RFPL1: variants seen among roughly 807,000 people sequenced by gnomAD.
The protein encoded by RFPL1 is ret finger protein like 1.
RFPL1 carries 6 observed loss-of-function variants against 9.6 expected under a neutral mutation model. The observed-to-expected ratio is 0.62, with a 90% confidence interval of 0.34 to 1.23. The LOEUF (loss-of-function observed/expected upper bound fraction) is 1.23, where lower values mean the gene tolerates loss of function less well. Among genes scored for constraint, RFPL1 ranks in the 50% most tolerant of loss-of-function variants. The pLI, the probability that RFPL1 is intolerant of heterozygous loss-of-function variation, is 0.03. For synonymous variants in RFPL1, 145 were observed against 149.4 expected (o/e 0.97, Z 0.22); for missense variants, 352 against 398.4 (o/e 0.88, Z 0.99).
At chr22:29,399,260 C>CA in the RFPL1 span, among the ~76,000 whole-genome samples, 1,261 of 146,798 alleles carry the variant, frequency 8.6e-3, 13 homozygotes, top group Non-Finnish European at 0.011. Context: ...GAATTCCCCT[C>CA]AAAAAAAAAA....
chr22:29,429,117 A>G, the RFPL1 span, among the ~76,000 whole-genome samples: 2 of 152,140 alleles, frequency 1.3e-5, no homozygotes, highest in Non-Finnish European at 2.9e-5. Context: ...GTGCAGTGGC[A>G]TGATCATGGC....
At chr22:29,427,970 G>A in the RFPL1 span, among the ~76,000 whole-genome samples, 21 of 152,284 alleles carry the variant, frequency 1.4e-4, no homozygotes, top group East Asian at 3.9e-3. Flanking sequence ...GCCCTAGAGG[G>A]TCTGGGGGAT....
At chr22:29,428,932 A>G in the RFPL1 span, among the ~76,000 whole-genome samples, 1 of 152,258 alleles carries the variant, frequency 6.6e-6, no homozygotes, top group Non-Finnish European at 1.5e-5. Context: ...ACCTCATAGA[A>G]CTTGAAAAGC....
At chr22:29,395,052 A>G in the RFPL1 span, among the ~76,000 whole-genome samples, 43 of 152,202 alleles carry the variant, frequency 2.8e-4, no homozygotes, top group East Asian at 7.0e-3. Flanking sequence ...GATACTCAGA[A>G]TCTCAGAGCA....
At chr22:29,434,104 A>T (rs1400575373), upstream of RFPL1, among the ~76,000 whole-genome samples, 1 of 152,022 alleles carries the variant, frequency 6.6e-6, no homozygotes, top group Non-Finnish European at 1.5e-5. Context: ...CTCCCACCTC[A>T]ATCTCCCAAA....
the RFPL1 span, among the ~76,000 whole-genome samples, chr22:29,432,020 T>A: frequency 1.3e-5 from 2 of 152,190 alleles, no homozygotes; most frequent in Non-Finnish European, 2.9e-5. Flanking sequence ...ACTTACATTC[T>A]CTTTTTCTCA....
chr22:29,437,929 T>C, upstream of RFPL1: 1 of 511,110 alleles, frequency 2.0e-6, no homozygotes, highest in Non-Finnish European at 3.4e-6. Context: ...TTGGTATTCA[T>C]TTCCAAGGCT....
chr22:29,431,837 T>G, the RFPL1 span, among the ~76,000 whole-genome samples: 1 of 151,960 alleles, frequency 6.6e-6, no homozygotes, highest in Non-Finnish European at 1.5e-5. Context: ...ATTACAGATG[T>G]GCGCCACCAA....
rs748957165 is a variant in RFPL1 at position 29,438,829 on chromosome 22, C to T, written c.38C>T (p.Ser13Leu). The T allele has an allele frequency of 3.1e-6, 5 of 1,613,976 alleles. No individual in the cohort carries two copies. In the South Asian group the frequency reaches 5.5e-5, roughly 18 times the overall value. ...TCACTTGTCACAACTAACAGGCTTT[C>T]ACCTCACGGAAATTTTCTTCCCTTG... The change falls in exon 1 of 2, where the codon TCA becomes TTA. Residue 13 changes from serine (S) to leucine (L), a missense_variant. Coordinates refer to ENST00000354373, the Ensembl canonical transcript of RFPL1.
chr22:29,439,344 A>C, intron 1 of RFPL1, 180 bp downstream of exon 1: 2 of 1,014,138 alleles, frequency 2.0e-6, no homozygotes, highest in Middle Eastern at 2.7e-4. Flanking sequence ...ATCTCCAAAA[A>C]AAAGGCTGGC....
At chr22:29,421,459 T>C in the RFPL1 span, among the ~76,000 whole-genome samples, 1 of 150,730 alleles carries the variant, frequency 6.6e-6, no homozygotes, top group African/African-American at 2.4e-5. Flanking sequence ...AACCCACCCC[T>C]GGGACTCCAA....
At chr22:29,421,840 G>C in the RFPL1 span, among the ~76,000 whole-genome samples, 2 of 151,882 alleles carry the variant, frequency 1.3e-5, no homozygotes, top group African/African-American at 4.8e-5. Flanking sequence ...TCTACAGACT[G>C]TCTTCCCTGC....
chr22:29,401,946 G>A, the RFPL1 span, among the ~76,000 whole-genome samples: 1 of 152,106 alleles, frequency 6.6e-6, no homozygotes, highest in Non-Finnish European at 1.5e-5. Flanking sequence ...CTGAACTCAC[G>A]GAGGGTTGGG....
chr22:29,408,763 A>G, the RFPL1 span, among the ~76,000 whole-genome samples: 2 of 152,216 alleles, frequency 1.3e-5, no homozygotes, highest in South Asian at 2.1e-4. Flanking sequence ...CATCACTTAC[A>G]AACTGTTTGG....
chr22:29,441,457 A>C, intron 1 of RFPL1, 85 bp from the exon 2 acceptor site: 5 of 1,448,884 alleles, frequency 3.5e-6, no homozygotes, highest in South Asian at 1.4e-5. Flanking sequence ...ACCAAAGTCA[A>C]GAGATATTTG....
At chr22:29,433,889 T>TA (rs1375470442), upstream of RFPL1, among the ~76,000 whole-genome samples, 3 of 152,050 alleles carry the variant, frequency 2.0e-5, no homozygotes, top group Admixed American at 6.6e-5. Context: ...TATTGTTGAA[T>TA]TTTTTTTAAT....
chr22:29,433,467 C>A, the RFPL1 span: 10 of 155,520 alleles, frequency 6.4e-5, 1 homozygote, highest in African/African-American at 2.2e-4. Flanking sequence ...CCATCTCCTG[C>A]TGGGAAAACT....
exon 2 of RFPL1, chr22:29,442,000 C>T (rs755818358): frequency 5.6e-6 from 9 of 1,613,950 alleles, no homozygotes; most frequent in Non-Finnish European, 7.6e-6. Context: ...TGCTGAGGAG[C>T]CACTGCACTT....
chr22:29,438,179 C>CT (rs60607519), upstream of RFPL1: 18,777 of 94,868 alleles, frequency 0.2, 2,714 homozygotes, highest in East Asian at 0.36. Flanking sequence ...CAGTCCCTCT[C>CT]TTTTTTTTTT....
Sources: gnomAD v4.1 joint callset for allele counts (sites outside exome capture counted in the v4.1 genomes callset) on GRCh38, gnomAD v4.1.1 for gene constraint, MANE v1.5 for transcripts, NCBI Gene and HGNC (gene_info 2026-07-23, HGNC 2026-07-21) for gene names.